The following RAD51B variants were observed in gnomAD, a reference collection of about 807,000 sequenced individuals.
The protein encoded by RAD51B is RAD51 paralog B.
Under a neutral mutation model 42.2 loss-of-function variants are expected in RAD51B, and 38 were observed. That is an observed-to-expected ratio of 0.90 (90% CI 0.70 to 1.18). RAD51B has a LOEUF of 1.18. Among genes scored for constraint, RAD51B ranks in the 50% most tolerant of loss-of-function variants. The pLI is 0.00. For missense variants in RAD51B, 373 were observed against 400.7 expected, an observed-to-expected ratio of 0.93 and a Z score of 0.59; for synonymous variants, 154 against 145.2, an observed-to-expected ratio of 1.06 and a Z score of -0.43.
chr14:68,263,596 T>A (rs1428989999), intron 7 of RAD51B, among the ~76,000 whole-genome samples: 1 of 152,274 alleles, frequency 6.6e-6, no homozygotes, highest in African/African-American at 2.4e-5. Flanking sequence ...TAAATATGTT[T>A]CATAATGCTT....
chr14:68,312,979 G>C (rs188798965), intron 8 of RAD51B, among the ~76,000 whole-genome samples: 22 of 152,264 alleles, frequency 1.4e-4, no homozygotes, highest in Admixed American at 1.3e-3. Flanking sequence ...TTAGAACTGG[G>C]GGTGGCCAAG....
intron 7 of RAD51B, among the ~76,000 whole-genome samples, chr14:68,065,657 A>G (rs1019636245): frequency 6.6e-6 from 1 of 152,054 alleles, no homozygotes; most frequent in African/African-American, 2.4e-5. Context: ...TGGGCAGGGC[A>G]CTTGGACCAA....
chr14:68,301,853 T>G (rs796161916), intron 8 of RAD51B, among the ~76,000 whole-genome samples: 10 of 152,300 alleles, frequency 6.6e-5, no homozygotes, highest in African/African-American at 2.2e-4. Context: ...TGCCTTGGCC[T>G]CCCAAATTGG....
At chr14:67,847,744 ATGTATATTCTGTGGTTGG>A (rs1474286238) in intron 4 of RAD51B, among the ~76,000 whole-genome samples, 1 of 152,174 alleles carries the variant, frequency 6.6e-6, no homozygotes, top group Non-Finnish European at 1.5e-5. Context: ...GTTGAGAAGA[ATGTATATTCTGTGGTTGG>A]TGTGTGGATC....
chr14:68,488,249 T>C (rs1442935013), intron 10 of RAD51B, among the ~76,000 whole-genome samples: 1 of 144,760 alleles, frequency 6.9e-6, no homozygotes, highest in Non-Finnish European at 1.5e-5. Flanking sequence ...CAAACTCAAA[T>C]GTGCATGCCA....
chr14:68,184,160 A>G (rs910229052), intron 7 of RAD51B, among the ~76,000 whole-genome samples: 7 of 151,782 alleles, frequency 4.6e-5, no homozygotes, highest in Admixed American at 2.0e-4. Context: ...TCCCAGTGGC[A>G]TGCTCCCAGC....
At chr14:67,900,170 C>T (rs1325852035) in intron 7 of RAD51B, among the ~76,000 whole-genome samples, 1 of 152,150 alleles carries the variant, frequency 6.6e-6, no homozygotes, top group Non-Finnish European at 1.5e-5. Context: ...TGATTATTTG[C>T]AGCTTTGATT....
chr14:68,317,688 G>A lies in RAD51B; in HGVS notation c.853+25708G>A, dbSNP rs184974632. Among the ~76,000 whole-genome samples the A allele has an allele frequency of 2.7e-4, 41 of 152,244 alleles. No individual in the cohort carries two copies. The East Asian group carries it at 5.2e-3, about 19-fold the overall frequency. On this transcript the variant is annotated intron_variant, in intron 8 of 10. Transcript: ENST00000471583. Reference sequence around the variant, plus strand: ...AGATATCTGTGAAAAGGTGGAAAAAGCAAAGAACACTTGGAATTTGGGAGA... The same window carrying A: ...AGATATCTGTGAAAAGGTGGAAAAAACAAAGAACACTTGGAATTTGGGAGA...
intron 10 of RAD51B, chr14:68,562,508 C>T (rs2040782): frequency 0.26 from 251,870 of 985,196 alleles, 33,083 homozygotes; most frequent in South Asian, 0.31. Context: ...CAGTTTCCCT[C>T]TGCAGGGTGG....
intron 8 of RAD51B, among the ~76,000 whole-genome samples, chr14:68,363,386 A>T (rs907081008): frequency 2.6e-5 from 4 of 152,240 alleles, no homozygotes; most frequent in Admixed American, 6.5e-5. Flanking sequence ...ATGCATATAT[A>T]AAAGGAATTT....
intron 8 of RAD51B, among the ~76,000 whole-genome samples, chr14:68,387,926 G>A (rs1230797052): frequency 6.6e-6 from 1 of 151,968 alleles, no homozygotes; most frequent in African/African-American, 2.4e-5. Flanking sequence ...TTTTCATATT[G>A]ATTACACGTT....
chr14:68,664,230 A>G (rs941385046), intron 11 of RAD51B, among the ~76,000 whole-genome samples: 28 of 152,204 alleles, frequency 1.8e-4, no homozygotes, highest in Non-Finnish European at 4.0e-4. Flanking sequence ...GGCTGTAGTT[A>G]CATTCTTTCT....
intron 7 of RAD51B, among the ~76,000 whole-genome samples, chr14:68,261,556 A>G (rs1008451194): frequency 2.6e-5 from 4 of 152,208 alleles, no homozygotes; most frequent in Admixed American, 6.5e-5. Context: ...ACTTTTAATT[A>G]TATGCTATTC....
intron 7 of RAD51B, among the ~76,000 whole-genome samples, chr14:68,269,740 C>T (rs111897326): frequency 3.3e-5 from 5 of 152,336 alleles, no homozygotes; most frequent in East Asian, 1.9e-4. Context: ...GCTGGAACAA[C>T]GCCTGTTCCC....
chr14:68,524,306 A>T (rs1566925478), intron 10 of RAD51B, among the ~76,000 whole-genome samples: 1 of 152,240 alleles, frequency 6.6e-6, no homozygotes, highest in Non-Finnish European at 1.5e-5. Context: ...CACAAAATTT[A>T]AAAAGTAAAC....
At chr14:68,007,348 A>G (rs1464541402) in intron 7 of RAD51B, among the ~76,000 whole-genome samples, 2 of 152,026 alleles carry the variant, frequency 1.3e-5, no homozygotes, top group Non-Finnish European at 2.9e-5. Context: ...TTGTTTGGAC[A>G]TGTGCTTTTA....
chr14:68,242,814 A>G (rs1331015994), intron 7 of RAD51B, among the ~76,000 whole-genome samples: 1 of 152,212 alleles, frequency 6.6e-6, no homozygotes, highest in Non-Finnish European at 1.5e-5. Flanking sequence ...AGGTCAGAGA[A>G]GTTAGTAGCT....
At chr14:68,296,900 G>A (rs930090363) in intron 8 of RAD51B, among the ~76,000 whole-genome samples, 1 of 152,212 alleles carries the variant, frequency 6.6e-6, no homozygotes, top group African/African-American at 2.4e-5. Context: ...TGTAAAATGT[G>A]TGGATAGGTC....
intron 8 of RAD51B, among the ~76,000 whole-genome samples, chr14:68,381,734 A>C (rs2083482660): frequency 6.6e-6 from 1 of 152,192 alleles, no homozygotes; most frequent in Admixed American, 6.6e-5. Context: ...AGGTTCTAAC[A>C]CTACTTCTTC....
Sources: gnomAD v4.1 joint callset for allele counts (sites outside exome capture counted in the v4.1 genomes callset) on GRCh38, gnomAD v4.1.1 for gene constraint, MANE v1.5 for transcripts, NCBI Gene and HGNC (gene_info 2026-07-23, HGNC 2026-07-21) for gene names.